Variants in GUK1 observed in about 807,000 individuals in gnomAD.
GUK1 encodes guanylate kinase.
In GUK1, 18 loss-of-function variants were observed where a neutral mutation model predicts 25.2. The ratio of observed to expected loss-of-function variants is 0.71; its 90% CI spans 0.49 to 1.06. The LOEUF is 1.06. GUK1 is among the 50% of genes least tolerant of loss of function. The probability of loss-of-function intolerance (pLI) is 0.00; values close to 1 mark genes in which losing one functional copy is unlikely to be tolerated. For missense variants in GUK1, 261 were observed against 276.7 expected (o/e 0.94, Z 0.40); for synonymous variants, 105 against 117.6 (o/e 0.89, Z 0.69).
At chr1:228,142,241 T>C (rs566377975) in intron 2 of GUK1, among the ~76,000 whole-genome samples, 3 of 152,378 alleles carry the variant, frequency 2.0e-5, no homozygotes, top group African/African-American at 7.2e-5. Flanking sequence ...GTCTGCTCAT[T>C]GTGCCCTCAC....
chr1:228,147,139 C>T (rs1290918261), intron 5 of GUK1, among the ~76,000 whole-genome samples: 2 of 152,160 alleles, frequency 1.3e-5, no homozygotes, highest in East Asian at 1.9e-4. Flanking sequence ...GTCCTGCCAC[C>T]GTGCATTGTC....
intron 2 of GUK1, chr1:228,141,606 A>AAC (rs2034058537): frequency 3.6e-6 from 4 of 1,098,784 alleles, no homozygotes; most frequent in Non-Finnish European, 3.4e-6. Context: ...GGCCGGGGGC[A>AAC]AGGTGGTGAC....
intron 2 of GUK1, among the ~76,000 whole-genome samples, chr1:228,143,950 C>A (rs2034210147): frequency 6.6e-6 from 1 of 152,146 alleles, no homozygotes; most frequent in South Asian, 2.1e-4. Flanking sequence ...AGTTCCCTTC[C>A]TCTTGAGTCT....
Position 228,148,648 on chromosome 1 carries a change from T to C in GUK1, c.562-17T>C, listed in dbSNP as rs1354696995. The C allele has an allele frequency of 6.3e-7, 1 of 1,584,568 alleles. No homozygotes were observed. The highest frequency in any genetic ancestry group is 8.6e-7 in the Non-Finnish European group (1 of 1,161,844). On this transcript the variant is annotated splice_polypyrimidine_tract_variant and intron_variant, in intron 8 of 8. Transcript: ENST00000312726. ...TGGATACCAGCCCTCCCAACTCCCT[T>C]TCTTCCTCACTGGCAGGAAATCAAG... is the stretch of plus-strand genomic sequence containing the variant.
intron 2 of GUK1, chr1:228,144,601 C>T: frequency 4.7e-6 from 2 of 422,738 alleles, no homozygotes; most frequent in Non-Finnish European, 6.3e-6. Context: ...TGCAAGGGCC[C>T]AGGGCCAGGC....
chr1:228,147,516 C>T lies in GUK1; in HGVS notation c.362C>T (p.Ser121Phe), dbSNP rs2124951721. The change falls in exon 6 of 9, where the codon TCT (serine) becomes TTT (phenylalanine). Residue 121 changes from serine (S) to phenylalanine (F), a missense_variant. Coordinates refer to ENST00000312726, the MANE Select transcript of GUK1 (RefSeq NM_000858.7). Reference sequence around the variant, plus strand: ...ACCGATCTGCGGCCCATCTACATCTCTGTGCAGCCGCCTTCACTGCACGTG... The same window carrying T: ...ACCGATCTGCGGCCCATCTACATCTTTGTGCAGCCGCCTTCACTGCACGTG... The T allele has an allele frequency of 6.2e-7, 1 of 1,613,360 alleles. No homozygotes were observed.
rs1268162317 is a variant in GUK1 at position 228,146,076 on chromosome 1, G to T, written c.154+9G>T. On this transcript the variant is annotated intron_variant, in intron 4 of 8. Coordinates refer to ENST00000312726, the MANE Select transcript of GUK1 (RefSeq NM_000858.7). ...CGAGGAGAACGGCAAAGGTGAGTGG[G>T]GTGGGGCCCTATGGCTGGAGCACCC... is the stretch of plus-strand genomic sequence containing the variant. 1.2e-6 allele frequency: 2 copies of T among 1,601,324 alleles called. No homozygotes were observed. The highest frequency in any genetic ancestry group is 1.7e-5 in the Admixed American group (1 of 59,980).
rs1232144494 is a variant in GUK1, at chr1:228,145,635, G to A, written c.112+11G>A. The A allele has an allele frequency of 2.5e-6, 4 of 1,611,244 alleles. No homozygotes were observed. The highest frequency in any genetic ancestry group is 2.2e-5 in the South Asian group (2 of 90,550). On this transcript the variant is annotated intron_variant, in intron 3 of 8. Coordinates refer to ENST00000312726, the MANE Select transcript of GUK1 (RefSeq NM_000858.7). ...GCTTCAGCGTGTCCCGTGAGTCCAG[G>A]GCTCTCGTGGAGGGGTGCGTAGACC...
At chr1:228,140,268 C>T (rs1558109238), upstream of GUK1, 9 of 1,521,240 alleles carry the variant, frequency 5.9e-6, no homozygotes, top group South Asian at 2.4e-5. Context: ...GCGGCGCTGT[C>T]ACGTAGGTTC....
Position 228,148,630 on chromosome 1 carries a change from C to G in GUK1, c.562-35C>G, listed in dbSNP as rs1384271793. Reference sequence around the variant, plus strand: ...AGGAAGCCCAGCCCTTCCTGGATACCAGCCCTCCCAACTCCCTTTCTTCCT... The same window carrying G: ...AGGAAGCCCAGCCCTTCCTGGATACGAGCCCTCCCAACTCCCTTTCTTCCT... On this transcript the variant is annotated intron_variant, in intron 8 of 8. Coordinates refer to ENST00000312726, the MANE Select transcript of GUK1 (RefSeq NM_000858.7). 1.8e-5 allele frequency: 28 copies of G among 1,567,372 alleles called. No individual in the cohort carries two copies. In the Admixed American group the frequency reaches 4.7e-4, roughly 26 times the overall value.
chr1:228,148,801 G>A lies in GUK1; in HGVS notation c.*104G>A. On this transcript the variant is annotated 3_prime_UTR_variant, in exon 9 of 9. Coordinates refer to ENST00000312726, the MANE Select transcript of GUK1 (RefSeq NM_000858.7). ...TACGGCAGCTCTGTGCCCTTGGCCA[G>A]CATGTGGAGTGGAGGAGATGCTGCC... 1.3e-6 allele frequency: 2 copies of A among 1,592,112 alleles called. No homozygotes were observed. Among genetic ancestry groups the A allele is most frequent in the Non-Finnish European group, 1.7e-6 (2 of 1,169,818 alleles).
upstream of GUK1, chr1:228,140,202 G>T: frequency 1.0e-6 from 1 of 957,534 alleles, no homozygotes; most frequent in South Asian, 1.5e-5. Flanking sequence ...AGTGAGACAT[G>T]GGCGGGGCAG....
chr1:228,146,592 T>C, intron 4 of GUK1: 1 of 511,594 alleles, frequency 2.0e-6, no homozygotes, highest in Non-Finnish European at 3.6e-6. Flanking sequence ...CACCACCAAC[T>C]CCCAACTCCC....
chr1:228,141,271 G>A lies in GUK1; in HGVS notation c.-20G>A, dbSNP rs780521525. ...TTCACTCCTCTGTGGCTCTGGAAGA[G>A]CCCGATTTCCTCAGGAGGTAAAGGA... On this transcript the variant is annotated 5_prime_UTR_variant, in exon 2 of 9. Coordinates refer to ENST00000312726, the MANE Select transcript of GUK1 (RefSeq NM_000858.7). 2.4e-4 allele frequency: 236 copies of A among 984,566 alleles called. No homozygotes were observed. The highest frequency in any genetic ancestry group is 2.8e-4 in the Non-Finnish European group (232 of 829,128). The allele number at this position is 984,566 out of a possible 1,614,324, so 61.0% of individuals were successfully genotyped here.
rs35749865 is a variant in GUK1, at chr1:228,147,602, AC to A, written c.391-8del. On this transcript the variant is annotated splice_polypyrimidine_tract_variant and intron_variant, in intron 6 of 8. Coordinates refer to ENST00000312726, the MANE Select transcript of GUK1 (RefSeq NM_000858.7). Reference sequence around the variant, plus strand: ...CAGGGCATGCCAGGCTCTGATTGCCACCCCCTTTTTAGGAGCAGCGGCTGCG... The same window carrying A: ...CAGGGCATGCCAGGCTCTGATTGCCACCCCTTTTTAGGAGCAGCGGCTGCG... 1 of 1,612,860 alleles carries A rather than the reference AC, an allele frequency of 6.2e-7. No individual in the cohort carries two copies. The highest frequency in any genetic ancestry group is 8.5e-7 in the Non-Finnish European group (1 of 1,179,732).
chr1:228,148,887 C>G lies in GUK1; in HGVS notation c.*190C>G. 2.1e-6 allele frequency: 3 copies of G among 1,434,690 alleles called. No homozygotes were observed. Among genetic ancestry groups the G allele is most frequent in the Non-Finnish European group, 2.8e-6 (3 of 1,052,726 alleles). The allele number at this position is 1,434,690 out of a possible 1,614,324, so 88.9% of individuals were successfully genotyped here. Reference sequence around the variant, plus strand: ...CAGCCTCGCTGGGCTGTCCCCTGTCCCTATCTCTCACTCTGGACCCAGGGC... The same window carrying G: ...CAGCCTCGCTGGGCTGTCCCCTGTCGCTATCTCTCACTCTGGACCCAGGGC... On this transcript the variant is annotated 3_prime_UTR_variant, in exon 9 of 9. Coordinates refer to ENST00000312726, the MANE Select transcript of GUK1 (RefSeq NM_000858.7).
At chr1:228,147,782 C>T in intron 7 of GUK1, 83 bp downstream of exon 6, 1 of 1,185,728 alleles carries the variant, frequency 8.4e-7, no homozygotes, top group South Asian at 1.4e-5. Flanking sequence ...CCCTGTGGGT[C>T]CCCAGACCTC....
intron 2 of GUK1, chr1:228,141,416 C>G: frequency 2.7e-6 from 1 of 365,380 alleles, no homozygotes; most frequent in Non-Finnish European, 3.8e-6. Context: ...GGATGTGTGC[C>G]CAGAAACCCT....
At chr1:228,141,617 T>A in intron 2 of GUK1, 1 of 1,134,352 alleles carries the variant, frequency 8.8e-7, no homozygotes, top group Non-Finnish European at 1.1e-6. Flanking sequence ...AGGTGGTGAC[T>A]CTGTTCAGTC....
Sources: allele counts gnomAD v4.1 joint callset (sites outside exome capture counted in the v4.1 genomes callset), GRCh38; gene constraint gnomAD v4.1.1; transcripts MANE v1.5; gene names NCBI Gene and HGNC (gene_info 2026-07-23, HGNC 2026-07-21).